AK9: variants seen among roughly 807,000 people sequenced by gnomAD.
AK9 encodes the protein adenylate kinase domain containing 1.
AK9 carries 191 observed loss-of-function variants against 239.6 expected under a neutral mutation model. The ratio of observed to expected loss-of-function variants is 0.80; its 90% CI spans 0.71 to 0.90. The LOEUF (loss-of-function observed/expected upper bound fraction) is 0.90. Among genes scored for constraint, AK9 ranks in the 40% least tolerant of loss-of-function variants. The probability of loss-of-function intolerance (pLI) is 0.00; values close to 1 mark genes in which losing one functional copy is unlikely to be tolerated. For synonymous variants in AK9, 689 were observed against 721.0 expected, an observed-to-expected ratio of 0.96 and a Z score of 0.71; for missense variants, 1,995 against 2,214.7, an observed-to-expected ratio of 0.90 and a Z score of 1.99.
At position 109,622,233 on chromosome 6, in the gene AK9, ATAT is replaced by A. The variant is rs1185727753; in HGVS notation, c.1255-3000_1255-2998del. On this transcript the variant is annotated intron_variant, in intron 12 of 40. Coordinates refer to ENST00000424296, the MANE Select transcript of AK9 (RefSeq NM_001145128.3). ...ATTTTAGACATTATATATAATATAC[ATAT>A]TATATTATATATTATGTACATATAC... Among the ~76,000 whole-genome samples, 11 of 144,752 alleles carry A rather than the reference ATAT, an allele frequency of 7.6e-5. No individual in the cohort carries two copies. In the East Asian group the frequency reaches 2.2e-3, roughly 29 times the overall value. The allele number at this position is 144,752 out of a possible 152,430, so 95.0% of individuals were successfully genotyped here. A position where few individuals can be genotyped will look rare whatever the true frequency, so the allele number is the denominator to read the frequency against.
In AK9 at chr6:109,558,165, A is replaced by G. The variant is rs143616857; in HGVS notation, c.2751+5432T>C. On this transcript the variant is annotated intron_variant, in intron 24 of 40. Transcript: ENST00000424296. Reference sequence around the variant, plus strand: ...GACTTGCATCAGATATGTGATTTGTAAATATTTTATCCAAGTTTGTCTTTT... The same window carrying G: ...GACTTGCATCAGATATGTGATTTGTGAATATTTTATCCAAGTTTGTCTTTT... 3.9e-3 allele frequency among the ~76,000 whole-genome samples: 593 copies of G among 152,256 alleles called. 1 individual carries two copies. The highest frequency in any genetic ancestry group is 0.012 in the African/African-American group (512 of 41,548).
At chr6:109,633,636 T>C (rs745779738) in intron 10 of AK9, among the ~76,000 whole-genome samples, 2 of 152,182 alleles carry the variant, frequency 1.3e-5, no homozygotes, top group Non-Finnish European at 2.9e-5. Context: ...ATAAGGTAGA[T>C]AGCGCATTTT....
At chr6:109,537,902 C>T (rs1322955465) in intron 27 of AK9, among the ~76,000 whole-genome samples, 5 of 152,026 alleles carry the variant, frequency 3.3e-5, no homozygotes, top group Admixed American at 6.6e-5. Context: ...AGTTTCCATG[C>T]AGTTGAGCGG....
In AK9 at chr6:109,564,062, T is replaced by C. The variant is rs1440456868; in HGVS notation, c.2635+18A>G. 1.3e-5 allele frequency: 20 copies of C among 1,539,324 alleles called. No individual in the cohort carries two copies. The highest frequency in any genetic ancestry group is 1.4e-5 in the Non-Finnish European group (16 of 1,141,454). On this transcript the variant is annotated intron_variant, in intron 23 of 40. Coordinates refer to ENST00000424296, the MANE Select transcript of AK9 (RefSeq NM_001145128.3). Reference sequence around the variant, plus strand: ...ATCACCTGCTGTTGATAATAAATGTTATGATTAAAGCCCTTACTTTCCATA... The same window carrying C: ...ATCACCTGCTGTTGATAATAAATGTCATGATTAAAGCCCTTACTTTCCATA...
At chr6:109,580,214 TAGTAGTGATGAAATTTAA>T (rs1788653843) in intron 19 of AK9, among the ~76,000 whole-genome samples, 1 of 152,108 alleles carries the variant, frequency 6.6e-6, no homozygotes, top group Non-Finnish European at 1.5e-5. Context: ...ATTTTTAACA[TAGTAGTGATGAAATTTAA>T]AGAGACCTGG....
chr6:109,659,678 T>C (rs1283512736), intron 6 of AK9, among the ~76,000 whole-genome samples: 6 of 151,998 alleles, frequency 3.9e-5, no homozygotes, highest in South Asian at 2.1e-4. Context: ...GAAAAGAGGA[T>C]TGGAAAAGTA....
At chr6:109,626,897 C>G (rs193171596) in intron 12 of AK9, among the ~76,000 whole-genome samples, 273 of 152,178 alleles carry the variant, frequency 1.8e-3, no homozygotes, top group African/African-American at 6.4e-3. Flanking sequence ...CTACTATAGA[C>G]TTTATAAACA....
intron 21 of AK9, among the ~76,000 whole-genome samples, chr6:109,569,827 T>C (rs985574146): frequency 2.6e-5 from 4 of 152,182 alleles, no homozygotes; most frequent in Non-Finnish European, 4.4e-5. Flanking sequence ...TTTACACTGT[T>C]GGTGGGACTG....
intron 5 of AK9, among the ~76,000 whole-genome samples, chr6:109,668,522 T>C (rs576151347): frequency 1.3e-5 from 2 of 151,276 alleles, no homozygotes; most frequent in South Asian, 4.2e-4. Context: ...AGGGTTTTTA[T>C]GGTTGTAGGT....
chr6:109,580,926 T>G (rs993754049), intron 19 of AK9, among the ~76,000 whole-genome samples: 11 of 152,164 alleles, frequency 7.2e-5, no homozygotes, highest in Non-Finnish European at 1.0e-4. Context: ...GTTTTTTTGT[T>G]TTGTTTTACA....
intron 35 of AK9, 53 bp downstream of exon 35, chr6:109,506,273 CA>C: frequency 6.6e-7 from 1 of 1,522,810 alleles, no homozygotes; most frequent in African/African-American, 1.4e-5. Context: ...ATGAGTCAGG[CA>C]TGTTTACACT....
Position 109,545,950 on chromosome 6 carries a change from T to C in AK9, c.3142A>G (p.Asn1048Asp), listed in dbSNP as rs1312101709. Reference protein sequence around the residue: ...VGPEFEEDSENEQAAKQELEE... With the variant: ...VGPEFEEDSEDEQAAKQELEE... ...AGTTCTTGTTTGGCAGCTTGCTCGT[T>C]CTCAGAATCTTCCTCAAATTCAGGT... The change falls in exon 26 of 41, where the codon AAC (asparagine) becomes GAC (aspartate). Residue 1048 changes from asparagine to aspartate, a missense_variant. Asn to Asp is a conservative substitution (Grantham distance 23). Transcript: ENST00000424296. 6.2e-7 allele frequency: 1 copy of C among 1,614,214 alleles called. No individual in the cohort carries two copies. Among genetic ancestry groups the C allele is most frequent in the Non-Finnish European group, 8.5e-7 (1 of 1,180,028 alleles).
intron 28 of AK9, among the ~76,000 whole-genome samples, chr6:109,529,637 G>A (rs1277115057): frequency 2.0e-5 from 3 of 152,074 alleles, no homozygotes; most frequent in African/African-American, 7.2e-5. Context: ...AGAATCAGTG[G>A]GGGCCCTAAA....
chr6:109,666,582 T>C (rs922416735), intron 5 of AK9, among the ~76,000 whole-genome samples: 31 of 152,244 alleles, frequency 2.0e-4, no homozygotes, highest in African/African-American at 7.0e-4. Context: ...ACTGTAAGAC[T>C]GTCCAGACCA....
At chr6:109,601,069 T>C (rs1791881608) in intron 17 of AK9, among the ~76,000 whole-genome samples, 1 of 152,214 alleles carries the variant, frequency 6.6e-6, no homozygotes. Context: ...TTTGTGTCTC[T>C]ATCTCCGTCA....
chr6:109,615,210 T>A (rs1175774288), intron 13 of AK9, among the ~76,000 whole-genome samples: 1 of 151,640 alleles, frequency 6.6e-6, no homozygotes, highest in Non-Finnish European at 1.5e-5. Context: ...CTCCAATCAC[T>A]GTCTGCCCCA....
intron 5 of AK9, 45 bp downstream of exon 5, chr6:109,671,874 T>C: frequency 6.3e-7 from 1 of 1,575,262 alleles, no homozygotes; most frequent in South Asian, 1.1e-5. Flanking sequence ...AAGCATGAGT[T>C]TTAAGGCTGC....
intron 29 of AK9, among the ~76,000 whole-genome samples, 192 bp from the exon 30 acceptor site, chr6:109,516,834 G>A (rs549390456): frequency 3.3e-5 from 5 of 151,956 alleles, no homozygotes; most frequent in Admixed American, 6.6e-5. Flanking sequence ...TTTTTGTCAC[G>A]TTGCCAGAAT....
rs752588883 is a variant in AK9 at position 109,499,154 on chromosome 6, T to G, written c.4936A>C (p.Ser1646Arg). 4 of 1,610,604 alleles carry G rather than the reference T, an allele frequency of 2.5e-6. No individual in the cohort carries two copies. Among genetic ancestry groups the G allele is most frequent in the Non-Finnish European group, 3.4e-6 (4 of 1,178,360 alleles). The change falls in exon 36 of 41, where the codon AGC becomes CGC. Residue 1646 changes from serine to arginine, a missense_variant. Transcript: ENST00000424296. Reference protein sequence around the residue: ...LGEFEQFCPVSLAESQELFDC... With the variant: ...LGEFEQFCPVRLAESQELFDC... Reference sequence around the variant, plus strand: ...AATAATTCCTGGGATTCTGCCAGGCTGACAGGGCAGAACTGTTCAAATTCT... The same window carrying G: ...AATAATTCCTGGGATTCTGCCAGGCGGACAGGGCAGAACTGTTCAAATTCT...
Sources: gnomAD v4.1 joint callset for allele counts (sites outside exome capture counted in the v4.1 genomes callset) on GRCh38, gnomAD v4.1.1 for gene constraint, MANE v1.5 for transcripts, NCBI Gene and HGNC (gene_info 2026-07-23, HGNC 2026-07-21) for gene names.